The following TUBB8 variants were observed in gnomAD, a reference collection of about 807,000 sequenced individuals.
TUBB8 encodes the protein tubulin beta-8 chain.
TUBB8 carries 25 observed loss-of-function variants against 33.7 expected under a neutral mutation model. That is an observed-to-expected ratio of 0.74 (90% CI 0.54 to 1.04). TUBB8 has a LOEUF of 1.04. TUBB8 is among the 50% of genes least tolerant of loss of function. The probability of loss-of-function intolerance (pLI) is 0.00; values close to 1 mark genes in which losing one functional copy is unlikely to be tolerated. For missense variants in TUBB8, 279 were observed against 608.0 expected (o/e 0.46, Z 5.69); for synonymous variants, 245 against 240.1 (o/e 1.02, Z -0.19).
intron 1 of TUBB8, among the ~76,000 whole-genome samples, chr10:67,466 C>G (rs1163686037): frequency 1.3e-5 from 2 of 152,038 alleles, no homozygotes; most frequent in Non-Finnish European, 2.9e-5. Flanking sequence ...ACTCTGTCAC[C>G]CAGGGTGGAG....
chr10:75,462 C>G (rs1372602905), upstream of TUBB8, among the ~76,000 whole-genome samples: 1 of 151,462 alleles, frequency 6.6e-6, no homozygotes, highest in African/African-American at 2.4e-5. Context: ...CGAGACCAGC[C>G]TGGCCCACAT....
intron 1 of TUBB8, among the ~76,000 whole-genome samples, chr10:72,059 C>G (rs1834744071): frequency 6.6e-6 from 1 of 151,930 alleles, no homozygotes; most frequent in Non-Finnish European, 1.5e-5. Context: ...AACCCCATCT[C>G]TATTAAAAAT....
upstream of TUBB8, among the ~76,000 whole-genome samples, chr10:76,171 G>C (rs1377403244): frequency 2.8e-5 from 4 of 145,410 alleles, no homozygotes; most frequent in African/African-American, 1.0e-4. Flanking sequence ...CACGAGCACC[G>C]ATCAGGGGGC....
rs368356932 is a variant in TUBB8 at position 48,133 on chromosome 10, G to A, written c.278-19C>T. 1,451 of 1,525,660 alleles carry A rather than the reference G, an allele frequency of 9.5e-4. 1 individual carries two copies. In the African/African-American group the frequency reaches 0.017, roughly 18 times the overall value. The allele number at this position is 1,525,660 out of a possible 1,614,324, so 94.5% of individuals were successfully genotyped here. A position where few individuals can be genotyped will look rare whatever the true frequency, so the allele number is the denominator to read the frequency against. On this transcript the variant is annotated intron_variant, in intron 3 of 3. Coordinates refer to ENST00000568584, the MANE Select transcript of TUBB8 (RefSeq NM_177987.3). ...CACTGACCTGTAAGACAGCACAGCC[G>A]GTCACTCGACGGCCAGGTATACGGT...
chr10:73,243 C>G (rs553789209), intron 1 of TUBB8, among the ~76,000 whole-genome samples: 4 of 152,350 alleles, frequency 2.6e-5, no homozygotes, highest in African/African-American at 7.2e-5. Flanking sequence ...GACAAGGTCT[C>G]GCTCTGTTGC....
chr10:51,434 C>T (rs1834467355), upstream of TUBB8, among the ~76,000 whole-genome samples: 1 of 152,226 alleles, frequency 6.6e-6, no homozygotes, highest in African/African-American at 2.4e-5. Flanking sequence ...CTTTTGCCTG[C>T]TGCCATGTAG....
intron 1 of TUBB8, 104 bp downstream of exon 1, chr10:49,078 G>A: frequency 5.8e-6 from 8 of 1,379,280 alleles, no homozygotes; most frequent in South Asian, 5.4e-5. Context: ...CCCCGGCAGG[G>A]AGCCCAGGGG....
upstream of TUBB8, among the ~76,000 whole-genome samples, chr10:50,613 ATGT>A (rs1564206657): frequency 6.6e-6 from 1 of 152,180 alleles, no homozygotes; most frequent in Non-Finnish European, 1.5e-5. Context: ...AATCTGAACG[ATGT>A]TGTATGGAAA....
At chr10:72,154 G>A (rs1237726555) in intron 1 of TUBB8, among the ~76,000 whole-genome samples, 1 of 151,926 alleles carries the variant, frequency 6.6e-6, no homozygotes, top group African/African-American at 2.4e-5. Flanking sequence ...GAACCCAGGA[G>A]GCAGAGGTTG....
chr10:48,174 C>G (rs1554738630), intron 3 of TUBB8, 60 bp from the exon 4 acceptor site: 1 of 1,096,532 alleles, frequency 9.1e-7, no homozygotes, highest in Non-Finnish European at 1.4e-6. Flanking sequence ...GTGGTCACCA[C>G]CATAATGCAG....
chr10:49,489 C>CA (rs35442274), upstream of TUBB8: 446,783 of 680,664 alleles, frequency 0.66, 149,150 homozygotes, highest in Middle Eastern at 0.77. Context: ...GAAAGCTGCT[C>CA]GCTGGAGAAC....
chr10:47,564 C>A lies in TUBB8; in HGVS notation c.828G>T (p.Arg276=), dbSNP rs1444369590. ...FMPGFAPLTS[R]GSQQYRALTV... is the part of the protein sequence containing the mutation. ...TCAAGGCCCGGTACTGCTGGCTGCC[C>A]CGGCTGGTCAGTGGGGCAAAGCCGG... is the stretch of plus-strand genomic sequence containing the variant. The change falls in exon 4 of 4, where the codon CGG becomes CGT. Residue 276 remains arginine, a synonymous_variant. Transcript: ENST00000568584. 5 of 1,611,424 alleles carry A rather than the reference C, an allele frequency of 3.1e-6. No homozygotes were observed. In the African/African-American group the frequency reaches 6.7e-5, roughly 22 times the overall value.
intron 1 of TUBB8, among the ~76,000 whole-genome samples, chr10:62,316 C>G (rs1554741000): frequency 6.6e-6 from 1 of 152,222 alleles, no homozygotes; most frequent in African/African-American, 2.4e-5. Context: ...TATAACACAT[C>G]ATTTTAGACT....
upstream of TUBB8, among the ~76,000 whole-genome samples, chr10:52,865 A>G (rs1834486051): frequency 6.6e-6 from 1 of 152,214 alleles, no homozygotes; most frequent in Admixed American, 6.5e-5. Flanking sequence ...AGTCATGTGT[A>G]TTAAACTAGA....
upstream of TUBB8, chr10:49,410 G>C (rs1554739170): frequency 6.8e-6 from 5 of 734,846 alleles, no homozygotes; most frequent in Non-Finnish European, 1.2e-5. Context: ...GCACCCACCT[G>C]TGGATCCCCT....
Position 47,962 on chromosome 10 carries a change from C to A in TUBB8, c.430G>T (p.Gly144Trp). The A allele has an allele frequency of 6.2e-7, 1 of 1,614,138 alleles. No individual in the cohort carries two copies. Among genetic ancestry groups the A allele is most frequent in the Non-Finnish European group, 8.5e-7 (1 of 1,180,046 alleles). ...AGCAGAAGGGTACCCATCCCAGACC[C>A]AGTCCCCCCACCCAGGGAGTGGGTC... ...QLTHSLGGGT[G>W]SGMGTLLLSK... Residue 144 changes from glycine to tryptophan, a missense_variant, in exon 4 of 4, where the codon GGG becomes TGG. By Grantham distance (184) the Gly-to-Trp change is radical (BLOSUM62 -2). This residue lies in a region of TUBB8 where 96 missense variants were observed against 233.7 expected (regional missense o/e 0.41). Transcript: ENST00000568584.
At chr10:52,874 G>C (rs528504782), upstream of TUBB8, among the ~76,000 whole-genome samples, 183 of 152,286 alleles carry the variant, frequency 1.2e-3, no homozygotes, top group African/African-American at 4.2e-3. Flanking sequence ...TATTAAACTA[G>C]AAGCTTGGTA....
chr10:64,041 T>C (rs1834635447), intron 1 of TUBB8, among the ~76,000 whole-genome samples: 1 of 151,926 alleles, frequency 6.6e-6, no homozygotes, highest in African/African-American at 2.4e-5. Context: ...CAAGAAAAAT[T>C]CTCTTAATTT....
chr10:54,174 C>A (rs1253598236), upstream of TUBB8, among the ~76,000 whole-genome samples: 1 of 152,244 alleles, frequency 6.6e-6, no homozygotes, highest in Non-Finnish European at 1.5e-5. Context: ...CACATCCCCA[C>A]TAACCCCGTT....
Sources: allele counts gnomAD v4.1 joint callset (sites outside exome capture counted in the v4.1 genomes callset), GRCh38; gene constraint gnomAD v4.1.1; regional missense constraint gnomAD v4.1.1; transcripts MANE v1.5; gene names NCBI Gene and HGNC (gene_info 2026-07-23, HGNC 2026-07-21).